Variants in ITGBL1 observed in about 807,000 individuals in gnomAD.
The protein encoded by ITGBL1 is integrin beta-like protein 1.
A neutral mutation model predicts 68.5 loss-of-function variants in ITGBL1; 51 were observed. The observed-to-expected ratio is 0.74, with a 90% CI of 0.59 to 0.94. The LOEUF (loss-of-function observed/expected upper bound fraction) is 0.94, where lower values mean the gene tolerates loss of function less well. Ranked by LOEUF, ITGBL1 falls within the 40% of genes least tolerant of loss-of-function variation. The pLI is 0.00. For missense variants in ITGBL1, 649 were observed against 647.4 expected, an observed-to-expected ratio of 1.00 and a Z score of -0.03; for synonymous variants, 209 against 227.3, an observed-to-expected ratio of 0.92 and a Z score of 0.72.
chr13:101,554,753 C>A (rs963881840), intron 2 of ITGBL1, among the ~76,000 whole-genome samples: 1 of 152,210 alleles, frequency 6.6e-6, no homozygotes, highest in Admixed American at 6.5e-5. Context: ...TGGGGTGGGG[C>A]AGGGGACAGG....
At chr13:101,537,215 C>T (rs2049594095) in intron 2 of ITGBL1, among the ~76,000 whole-genome samples, 1 of 152,018 alleles carries the variant, frequency 6.6e-6, no homozygotes, top group South Asian at 2.1e-4. Context: ...ATTATATCAG[C>T]TCTGACTGCC....
chr13:101,546,869 T>G (rs9557699), intron 2 of ITGBL1, among the ~76,000 whole-genome samples: 70,516 of 151,794 alleles, frequency 0.46, 17,934 homozygotes, highest in East Asian at 0.62. Context: ...TTTTCATATC[T>G]TACTGAAGAT....
chr13:101,472,264 T>C (rs1240735342), intron 2 of ITGBL1, among the ~76,000 whole-genome samples: 1 of 152,200 alleles, frequency 6.6e-6, no homozygotes, highest in Non-Finnish European at 1.5e-5. Flanking sequence ...CCAAATGCTC[T>C]TAGTGTAAAT....
intron 7 of ITGBL1, among the ~76,000 whole-genome samples, chr13:101,651,351 G>A (rs369628177): frequency 6.6e-5 from 10 of 152,226 alleles, no homozygotes; most frequent in East Asian, 1.9e-4. Context: ...TGACTGGTAC[G>A]AGATGGTATC....
At chr13:101,588,192 A>T (rs1041531316) in intron 6 of ITGBL1, among the ~76,000 whole-genome samples, 2 of 152,120 alleles carry the variant, frequency 1.3e-5, no homozygotes, top group Non-Finnish European at 2.9e-5. Flanking sequence ...TGGACCACTC[A>T]ATGGCTGCTC....
At chr13:101,598,460 G>C (rs1410697818) in intron 7 of ITGBL1, among the ~76,000 whole-genome samples, 161 bp downstream of exon 7, 1 of 151,560 alleles carries the variant, frequency 6.6e-6, no homozygotes, top group African/African-American at 2.4e-5. Flanking sequence ...TATATTTTAA[G>C]TTTTAGTGTA....
chr13:101,499,347 C>A (rs183619051), intron 2 of ITGBL1, among the ~76,000 whole-genome samples: 1 of 152,284 alleles, frequency 6.6e-6, no homozygotes, highest in East Asian at 1.9e-4. Context: ...CTGTCAACCC[C>A]TCCCTCATGT....
intron 2 of ITGBL1, among the ~76,000 whole-genome samples, chr13:101,516,845 C>T (rs2049203827): frequency 6.6e-6 from 1 of 152,078 alleles, no homozygotes; most frequent in Non-Finnish European, 1.5e-5. Flanking sequence ...TGAATAATTG[C>T]TCTAATTTTG....
chr13:101,706,127 A>G (rs992169743), intron 8 of ITGBL1, among the ~76,000 whole-genome samples: 2 of 152,224 alleles, frequency 1.3e-5, no homozygotes, highest in African/African-American at 4.8e-5. Flanking sequence ...ACCAAAAGAT[A>G]AACATCTGAA....
chr13:101,625,065 T>G (rs2031723606), intron 7 of ITGBL1, among the ~76,000 whole-genome samples: 2 of 152,188 alleles, frequency 1.3e-5, no homozygotes, highest in African/African-American at 2.4e-5. Flanking sequence ...GACAGCATAT[T>G]TATTTTTTAA....
At chr13:101,543,570 C>G (rs975537763) in intron 2 of ITGBL1, among the ~76,000 whole-genome samples, 6 of 151,974 alleles carry the variant, frequency 3.9e-5, no homozygotes, top group Admixed American at 3.9e-4. Context: ...ATCTTTGTGG[C>G]GTTCTCTGTA....
At chr13:101,468,693 T>G (rs560717562) in intron 2 of ITGBL1, among the ~76,000 whole-genome samples, 2 of 152,300 alleles carry the variant, frequency 1.3e-5, no homozygotes, top group Admixed American at 6.5e-5. Flanking sequence ...TGATTCTTAT[T>G]TTTGTCTTAG....
downstream of ITGBL1, chr13:101,717,307 A>T (rs947009115): frequency 2.0e-5 from 3 of 152,144 alleles, no homozygotes; most frequent in Non-Finnish European, 4.4e-5. Context: ...GATTTATAAA[A>T]ATTGTTATCT....
At chr13:101,502,387 AAG>A (rs2048958220) in intron 2 of ITGBL1, among the ~76,000 whole-genome samples, 1 of 152,150 alleles carries the variant, frequency 6.6e-6, no homozygotes, top group South Asian at 2.1e-4. Context: ...CTTTCTTCAA[AAG>A]AGATCATTAT....
chr13:101,533,916 A>G (rs1483439624), intron 2 of ITGBL1, among the ~76,000 whole-genome samples: 4 of 152,236 alleles, frequency 2.6e-5, no homozygotes, highest in Non-Finnish European at 4.4e-5. Flanking sequence ...AAATTAGTAA[A>G]GTAGGAAATG....
intron 10 of ITGBL1, chr13:101,714,800 TC>T (rs2139619486): frequency 4.0e-6 from 2 of 497,106 alleles, no homozygotes; most frequent in East Asian, 3.4e-5. Flanking sequence ...CAAAGTAACC[TC>T]CCCACCCTCA....
intron 7 of ITGBL1, among the ~76,000 whole-genome samples, chr13:101,644,141 G>A (rs1409671401): frequency 6.6e-6 from 1 of 152,138 alleles, no homozygotes; most frequent in Non-Finnish European, 1.5e-5. Flanking sequence ...CTGAACCTTA[G>A]TGGAAGCTTC....
intron 5 of ITGBL1, among the ~76,000 whole-genome samples, 165 bp downstream of exon 5, chr13:101,579,592 GT>G (rs1224216757): frequency 6.6e-6 from 1 of 152,100 alleles, no homozygotes; most frequent in East Asian, 1.9e-4. Flanking sequence ...TTTCTGTCTT[GT>G]TTTTTATTGA....
At chr13:101,584,925 T>TA (rs899114161) in intron 6 of ITGBL1, among the ~76,000 whole-genome samples, 28 of 151,208 alleles carry the variant, frequency 1.9e-4, no homozygotes, top group South Asian at 1.0e-3. Flanking sequence ...GGTTTTATCC[T>TA]AAAAAAAATA....
Sources: gnomAD v4.1 joint callset for allele counts (sites outside exome capture counted in the v4.1 genomes callset) on GRCh38, gnomAD v4.1.1 for gene constraint, MANE v1.5 for transcripts, NCBI Gene and HGNC (gene_info 2026-07-23, HGNC 2026-07-21) for gene names.